The following PCDH9 variants were observed in gnomAD, a reference collection of about 807,000 sequenced individuals.
PCDH9 encodes the protein protocadherin 9, also known as protocadherin-9.
In PCDH9, 24 loss-of-function variants were observed where a neutral mutation model predicts 70.6. The ratio of observed to expected loss-of-function variants is 0.34; its 90% CI spans 0.25 to 0.48. The LOEUF (loss-of-function observed/expected upper bound fraction) is 0.48. Among genes scored for constraint, PCDH9 ranks in the 20% least tolerant of loss-of-function variants. PCDH9 has a pLI of 0.99. For synonymous variants in PCDH9, 562 were observed against 558.5 expected (o/e 1.01, Z -0.09); for missense variants, 1,281 against 1,503.6 (o/e 0.85, Z 2.45).
chr13:66,339,246 C>G (rs9540715), intron 4 of PCDH9, among the ~76,000 whole-genome samples: 1 of 140,664 alleles, frequency 7.1e-6, no homozygotes, highest in Non-Finnish European at 1.7e-5. Flanking sequence ...AACAAAAAAA[C>G]AGTATTACTT....
intron 3 of PCDH9, among the ~76,000 whole-genome samples, chr13:66,702,689 C>T (rs1010517056): frequency 6.6e-6 from 1 of 152,100 alleles, no homozygotes; most frequent in Non-Finnish European, 1.5e-5. Flanking sequence ...ATCAAAACAT[C>T]ATGTTGTACA....
chr13:66,836,119 A>G (rs1368261550), intron 3 of PCDH9, among the ~76,000 whole-genome samples: 3 of 152,326 alleles, frequency 2.0e-5, no homozygotes, highest in Admixed American at 2.0e-4. Context: ...ATTTAGTCAC[A>G]TGGGGAAACA....
At chr13:66,469,411 T>C (rs1300315200) in intron 4 of PCDH9, among the ~76,000 whole-genome samples, 3 of 131,196 alleles carry the variant, frequency 2.3e-5, no homozygotes, top group Non-Finnish European at 4.8e-5. Flanking sequence ...AAAGAAAGGA[T>C]GGAAGGGAGA....
chr13:66,386,279 C>T (rs552438303), intron 4 of PCDH9, among the ~76,000 whole-genome samples: 2 of 151,952 alleles, frequency 1.3e-5, no homozygotes, highest in South Asian at 4.2e-4. Flanking sequence ...AAATGAATTC[C>T]CCTCTCCATT....
chr13:67,164,747 C>A (rs966543594), intron 2 of PCDH9, among the ~76,000 whole-genome samples: 1 of 152,074 alleles, frequency 6.6e-6, no homozygotes, highest in Non-Finnish European at 1.5e-5. Context: ...GAGCAAATTG[C>A]TCTTCACAGC....
Position 66,446,747 on chromosome 13 carries a change from G to A in PCDH9, c.3341-141719C>T, listed in dbSNP as rs184461828. Among the ~76,000 whole-genome samples the A allele has an allele frequency of 3.9e-5, 6 of 152,012 alleles. No homozygotes were observed. In the East Asian group the frequency reaches 7.7e-4, roughly 20 times the overall value. On this transcript the variant is annotated intron_variant, in intron 4 of 4. Coordinates refer to ENST00000377865, the MANE Select transcript of PCDH9 (RefSeq NM_203487.3). ...CAAAAAATCTTAAAGTTGTAGCATC[G>A]GTCAAATGTTAGAATCATTTTATCT... is the stretch of plus-strand genomic sequence containing the variant.
chr13:66,847,210 TTG>T (rs1352598780), intron 3 of PCDH9, among the ~76,000 whole-genome samples: 3 of 152,326 alleles, frequency 2.0e-5, no homozygotes, highest in African/African-American at 7.2e-5. Flanking sequence ...AGCATTCAAG[TTG>T]TTTCTTTAAT....
intron 3 of PCDH9, among the ~76,000 whole-genome samples, chr13:66,796,475 T>C (rs1411164424): frequency 6.6e-6 from 1 of 152,156 alleles, no homozygotes; most frequent in Non-Finnish European, 1.5e-5. Flanking sequence ...TAGTGACAGC[T>C]TCCTCAAATT....
chr13:66,872,815 T>A (rs1192532412), intron 3 of PCDH9, among the ~76,000 whole-genome samples: 1 of 152,154 alleles, frequency 6.6e-6, no homozygotes, highest in East Asian at 1.9e-4. Context: ...TCTAGTTATA[T>A]ACATACTCAA....
Position 66,512,523 on chromosome 13 carries a change from A to G in PCDH9, c.3340+118687T>C, listed in dbSNP as rs896150635. On this transcript the variant is annotated intron_variant, in intron 4 of 4. Coordinates refer to ENST00000377865, the MANE Select transcript of PCDH9 (RefSeq NM_203487.3). ...AATGAAGATGTTTCTGGCTTTCTGT[A>G]GTCCTGAATGAATCTCCACAATACC... Among the ~76,000 whole-genome samples the G allele has an allele frequency of 2.6e-5, 4 of 152,100 alleles. No individual in the cohort carries two copies. In the South Asian group the frequency reaches 8.3e-4, roughly 31 times the overall value.
chr13:66,419,592 A>G (rs1957525652), intron 4 of PCDH9, among the ~76,000 whole-genome samples: 1 of 151,890 alleles, frequency 6.6e-6, no homozygotes, highest in South Asian at 2.1e-4. Flanking sequence ...GCCATGAGGG[A>G]CTGTGTGCCG....
intron 2 of PCDH9, among the ~76,000 whole-genome samples, chr13:67,048,251 G>T (rs1455687074): frequency 1.3e-5 from 2 of 152,138 alleles, no homozygotes; most frequent in African/African-American, 4.8e-5. Flanking sequence ...GGAAACCAGT[G>T]TTTAATAGCT....
At chr13:66,922,907 T>C (rs2082659665) in intron 2 of PCDH9, among the ~76,000 whole-genome samples, 1 of 151,470 alleles carries the variant, frequency 6.6e-6, no homozygotes, top group South Asian at 2.1e-4. Flanking sequence ...ACTCATTATA[T>C]TATTAATTTT....
At chr13:66,479,831 C>A (rs566347426) in intron 4 of PCDH9, among the ~76,000 whole-genome samples, 72 of 152,264 alleles carry the variant, frequency 4.7e-4, no homozygotes, top group South Asian at 1.0e-3. Flanking sequence ...GTAAAATGGA[C>A]CAATCAGTGC....
chr13:66,778,513 G>A (rs2875502), intron 3 of PCDH9, among the ~76,000 whole-genome samples: 52,652 of 151,912 alleles, frequency 0.35, 9,648 homozygotes, highest in East Asian at 0.57. Flanking sequence ...TTACCATGTG[G>A]CCTGTCACAG....
intron 2 of PCDH9, among the ~76,000 whole-genome samples, chr13:67,181,653 T>A (rs938094223): frequency 6.6e-6 from 1 of 152,060 alleles, no homozygotes; most frequent in African/African-American, 2.4e-5. Context: ...TAAGTGGATA[T>A]GAAATCAAAG....
Position 66,482,140 on chromosome 13 carries a change from G to GT in PCDH9, c.3340+149069dup, listed in dbSNP as rs1215731883. Among the ~76,000 whole-genome samples, 6 of 152,168 alleles carry GT rather than the reference G, an allele frequency of 3.9e-5. 1 individual carries two copies. Among genetic ancestry groups the GT allele is most frequent in the Admixed American group, 3.9e-4 (6 of 15,280 alleles). ...CACATGTAACAGTAACAATAGAATTGTAACTGTAGCCAAAGCCATCAAGAC... is the reference window on the plus strand; with the variant it reads ...CACATGTAACAGTAACAATAGAATTGTTAACTGTAGCCAAAGCCATCAAGAC... On this transcript the variant is annotated intron_variant, in intron 4 of 4. Transcript: ENST00000377865.
chr13:66,330,700 C>A (rs188693025), intron 4 of PCDH9, among the ~76,000 whole-genome samples: 3 of 152,202 alleles, frequency 2.0e-5, no homozygotes. Flanking sequence ...ATCTTACAGG[C>A]TTTTAAGCCT....
chr13:66,678,335 G>T (rs1037962813), intron 3 of PCDH9, among the ~76,000 whole-genome samples: 3 of 151,846 alleles, frequency 2.0e-5, no homozygotes, highest in Non-Finnish European at 4.4e-5. Flanking sequence ...ATAAATTAAC[G>T]CAATTAATGA....
Sources: allele counts gnomAD v4.1 joint callset (sites outside exome capture counted in the v4.1 genomes callset), GRCh38; gene constraint gnomAD v4.1.1; transcripts MANE v1.5; gene names NCBI Gene and HGNC (gene_info 2026-07-23, HGNC 2026-07-21).